PCDH11X: variants seen among roughly 807,000 people sequenced by gnomAD.
The protein encoded by PCDH11X is protocadherin 11 X-linked.
PCDH11X carries 18 observed loss-of-function variants against 53.3 expected under a neutral mutation model. The ratio of observed to expected loss-of-function variants is 0.34; its 90% CI spans 0.23 to 0.50. The LOEUF is 0.50. Among genes scored for constraint, PCDH11X ranks in the 20% least tolerant of loss-of-function variants. PCDH11X has a pLI of 0.98. For missense variants in PCDH11X, 570 were observed against 1,032.4 expected (o/e 0.55, Z 6.14); for synonymous variants, 279 against 393.3 (o/e 0.71, Z 3.44).
chrX:91,915,930 C>T (rs1214515554), intron 6 of PCDH11X, among the ~76,000 whole-genome samples: 1 of 109,917 alleles, frequency 9.1e-6, no homozygotes, highest in African/African-American at 3.3e-5. Flanking sequence ...CAGAGTAGAA[C>T]ATGTGATAGG....
intron 7 of PCDH11X, among the ~76,000 whole-genome samples, chrX:92,242,640 A>G (rs1460899860): frequency 9.0e-6 from 1 of 111,680 alleles, no homozygotes; most frequent in Non-Finnish European, 1.9e-5. Context: ...TAAATGTCCA[A>G]AGGTGTAATT....
intron 7 of PCDH11X, among the ~76,000 whole-genome samples, chrX:92,235,295 A>G (rs1456585193): frequency 9.0e-6 from 1 of 111,179 alleles, no homozygotes; most frequent in African/African-American, 3.3e-5. Flanking sequence ...ATTGGGTTGC[A>G]CTGAATTATA....
chrX:92,405,741 T>G (rs921063074), intron 9 of PCDH11X, among the ~76,000 whole-genome samples: 5 of 108,520 alleles, frequency 4.6e-5, no homozygotes, highest in African/African-American at 1.7e-4. Flanking sequence ...AGTTAGTGTC[T>G]CCCTCAGCAC....
Position 92,619,113 on chromosome X carries a change from A to C in PCDH11X, c.*173A>C. The C allele has an allele frequency of 1.9e-6, 1 of 517,110 alleles. No homozygotes were observed. The highest frequency in any genetic ancestry group is 3.6e-5 in the East Asian group (1 of 27,525). The allele number at this position is 517,110 out of a possible 1,213,427, so 42.6% of individuals were successfully genotyped here. ...GTCAATAGTTAACCAAAAAATTGCA[A>C]TTTGTTTAATTCAGAATGTGTATTT... On this transcript the variant is annotated 3_prime_UTR_variant, in exon 11 of 11. Transcript: ENST00000682573.
chrX:91,927,423 G>C (rs1304100893), intron 6 of PCDH11X, among the ~76,000 whole-genome samples: 3 of 109,557 alleles, frequency 2.7e-5, no homozygotes, highest in Non-Finnish European at 5.7e-5. Flanking sequence ...GAAGAACAGA[G>C]CATTTAGATG....
intron 1 of PCDH11X, chrX:91,798,410 G>A (rs1442622263): frequency 9.0e-6 from 1 of 110,743 alleles, no homozygotes; most frequent in Non-Finnish European, 1.9e-5. Flanking sequence ...CCAACATGGT[G>A]AAACCCCATC....
chrX:92,187,989 T>C (rs1458581415), intron 6 of PCDH11X, among the ~76,000 whole-genome samples: 1 of 111,719 alleles, frequency 9.0e-6, no homozygotes, highest in East Asian at 2.8e-4. Context: ...ATAAAGTTAT[T>C]GAGAAGACTA....
intron 6 of PCDH11X, among the ~76,000 whole-genome samples, chrX:91,926,880 A>T (rs1309386751): frequency 9.0e-5 from 10 of 110,760 alleles, no homozygotes; most frequent in African/African-American, 3.3e-4. Context: ...TAGTCATCCT[A>T]CAATGCTATA....
chrX:92,208,978 A>T (rs1215364840), intron 7 of PCDH11X, among the ~76,000 whole-genome samples: 1 of 110,651 alleles, frequency 9.0e-6, no homozygotes, highest in East Asian at 2.9e-4. Context: ...CTTTCAAACA[A>T]CCAGGTCTCG....
intron 6 of PCDH11X, among the ~76,000 whole-genome samples, chrX:91,932,787 A>C (rs759994708): frequency 4.5e-5 from 5 of 111,578 alleles, no homozygotes; most frequent in African/African-American, 1.3e-4. Flanking sequence ...TCCAGTACCT[A>C]CTTAATAATC....
rs189142990 is a variant in PCDH11X at position 92,508,812 on chromosome X, T to C, written c.3367+40490T>C. Among the ~76,000 whole-genome samples, 50 of 108,925 alleles carry C rather than the reference T, an allele frequency of 4.6e-4. No individual in the cohort carries two copies. In the East Asian group the frequency reaches 0.012, roughly 27 times the overall value. 94.6% of individuals were successfully genotyped at this position (108,925 alleles called of 115,157 possible). A position where few individuals can be genotyped will look rare whatever the true frequency, so the allele number is the denominator to read the frequency against. ...ATTTTCTTATTTAATATTAAGATCATAAAAATTAATTTTAAAAGCTTTATT... is the reference window on the plus strand; with the variant it reads ...ATTTTCTTATTTAATATTAAGATCACAAAAATTAATTTTAAAAGCTTTATT... On this transcript the variant is annotated intron_variant, in intron 10 of 10. Transcript: ENST00000682573.
rs1204324359 is a variant in PCDH11X, at chrX:91,987,334, A to G, written c.3033+108061A>G. 3.6e-5 allele frequency among the ~76,000 whole-genome samples: 4 copies of G among 111,466 alleles called. No individual in the cohort carries two copies. The East Asian group carries it at 1.1e-3, about 32-fold the overall frequency. On this transcript the variant is annotated intron_variant, in intron 6 of 10. Transcript: ENST00000682573. The stretch of plus-strand genomic sequence containing the variant: ...TGACCTCAAGTGATCCACCTGCCTC[A>G]TTCTCCCAGAGTGCTGGGATTACAG...
At chrX:92,166,953 A>G (rs769336193) in intron 6 of PCDH11X, among the ~76,000 whole-genome samples, 1 of 110,836 alleles carries the variant, frequency 9.0e-6, no homozygotes, top group East Asian at 2.8e-4. Context: ...GAATGACAAT[A>G]GGAAATGTCA....
chrX:92,548,074 G>A (rs5942296), intron 10 of PCDH11X, among the ~76,000 whole-genome samples: 35,975 of 109,036 alleles, frequency 0.33, 4,855 homozygotes, highest in Non-Finnish European at 0.42. Context: ...CACAATCCAA[G>A]TTTAAATTGT....
intron 6 of PCDH11X, among the ~76,000 whole-genome samples, chrX:91,890,190 C>T (rs1940411069): frequency 9.0e-6 from 1 of 110,914 alleles, no homozygotes; most frequent in African/African-American, 3.3e-5. Context: ...GATATGTTTG[C>T]ATATATGTGT....
intron 9 of PCDH11X, among the ~76,000 whole-genome samples, chrX:92,399,976 C>T (rs1481117250): frequency 9.5e-6 from 1 of 105,238 alleles, no homozygotes; most frequent in Non-Finnish European, 1.9e-5. Context: ...TGGTTTCGAT[C>T]TCCTGACCTC....
At chrX:92,500,111 T>G (rs2073935995) in intron 10 of PCDH11X, among the ~76,000 whole-genome samples, 1 of 111,343 alleles carries the variant, frequency 9.0e-6, no homozygotes, top group Non-Finnish European at 1.9e-5. Context: ...AAGACATTCT[T>G]TGACACACAG....
At position 92,405,860 on chromosome X, in the gene PCDH11X, C is replaced by T. The variant is rs775414700; in HGVS notation, c.3343+17927C>T. Among the ~76,000 whole-genome samples, 11 of 110,542 alleles carry T rather than the reference C, an allele frequency of 1.0e-4. No homozygotes were observed. The South Asian group carries it at 4.2e-3, about 43-fold the overall frequency. On this transcript the variant is annotated intron_variant, in intron 9 of 10. Transcript: ENST00000682573. ...CTGTAATCCCAGCACTTTGGGAGGCCGAGGTGGGTGGATCACGAGGTCAGG... is the reference window on the plus strand; with the variant it reads ...CTGTAATCCCAGCACTTTGGGAGGCTGAGGTGGGTGGATCACGAGGTCAGG...
chrX:92,203,998 G>A lies in PCDH11X; in HGVS notation c.3114+2543G>A, dbSNP rs779711421. 5.3e-5 allele frequency among the ~76,000 whole-genome samples: 6 copies of A among 112,265 alleles called. No homozygotes were observed. In the South Asian group the frequency reaches 2.2e-3, roughly 42 times the overall value. On this transcript the variant is annotated intron_variant, in intron 7 of 10. Coordinates refer to ENST00000682573, the MANE Select transcript of PCDH11X (RefSeq NM_032968.5). ...CTTGCACCCTCTGAAGCAATGACCT[G>A]TGCTATATTTTGGGTCCTTTTAGCC...
Sources: gnomAD v4.1 joint callset for allele counts (sites outside exome capture counted in the v4.1 genomes callset) on GRCh38, gnomAD v4.1.1 for gene constraint, MANE v1.5 for transcripts, NCBI Gene and HGNC (gene_info 2026-07-23, HGNC 2026-07-21) for gene names.